The following PCDH15 variants were observed in gnomAD, a reference collection of about 807,000 sequenced individuals.
PCDH15 encodes protocadherin related 15, also known as protocadherin-15.
In PCDH15, 129 loss-of-function variants were observed where a neutral mutation model predicts 178.5. The ratio of observed to expected loss-of-function variants is 0.72; its 90% CI spans 0.63 to 0.84. The LOEUF is 0.84. Ranked by LOEUF, PCDH15 falls within the 40% of genes least tolerant of loss-of-function variation. The pLI is 0.00. For synonymous variants in PCDH15, 800 were observed against 732.0 expected (o/e 1.09, Z -1.50); for missense variants, 2,230 against 2,099.9 (o/e 1.06, Z -1.21).
intron 32 of PCDH15, chr10:53,823,570 TGTAAATGAAAAAAAAA>T: frequency 1.5e-6 from 1 of 670,086 alleles, no homozygotes; most frequent in Non-Finnish European, 2.7e-6. Context: ...GAATGAGAAA[TGTAAATGAAAAAAAAA>T]GTACTCATCT....
chr10:54,807,023 C>A lies in PCDH15; in HGVS notation c.-29+90427G>T, dbSNP rs577809843. Among the ~76,000 whole-genome samples, 202 of 152,242 alleles carry A rather than the reference C, an allele frequency of 1.3e-3. 1 individual carries two copies. The highest frequency in any genetic ancestry group is 4.7e-3 in the African/African-American group (197 of 41,544). On this transcript the variant is annotated intron_variant, in intron 3 of 5. Coordinates refer to the PCDH15 transcript ENST00000458638. ...TTTGCCTTAGTCTATTGGTTATAAGCAAGTTATGATTTCCTCCTGCACTCA... is the reference window on the plus strand; with the variant it reads ...TTTGCCTTAGTCTATTGGTTATAAGAAAGTTATGATTTCCTCCTGCACTCA...
At chr10:55,305,230 G>C (rs1287863135) in intron 1 of PCDH15, among the ~76,000 whole-genome samples, 1 of 152,212 alleles carries the variant, frequency 6.6e-6, no homozygotes, top group Non-Finnish European at 1.5e-5. Flanking sequence ...CTTTGGGCTA[G>C]ATGACTAGCT....
At chr10:55,450,671 C>G (rs1229478613) in intron 2 of PCDH15, among the ~76,000 whole-genome samples, 1 of 152,040 alleles carries the variant, frequency 6.6e-6, no homozygotes, top group Non-Finnish European at 1.5e-5. Flanking sequence ...AAGAAGTACA[C>G]ACTTTCTGCT....
chr10:54,356,458 T>A (rs1342282), intron 5 of PCDH15, among the ~76,000 whole-genome samples: 8 of 151,758 alleles, frequency 5.3e-5, no homozygotes, highest in African/African-American at 1.7e-4. Context: ...AACTTAATTT[T>A]CATTAGTATA....
chr10:54,103,866 A>G (rs1481086439), intron 15 of PCDH15, among the ~76,000 whole-genome samples: 1 of 152,126 alleles, frequency 6.6e-6, no homozygotes, highest in African/African-American at 2.4e-5. Flanking sequence ...ATTATCCCAT[A>G]CCCATAATAT....
At chr10:53,983,365 A>G (rs1018979930) in intron 21 of PCDH15, among the ~76,000 whole-genome samples, 3 of 151,626 alleles carry the variant, frequency 2.0e-5, no homozygotes, top group Admixed American at 6.6e-5. Context: ...AGAGAAAGAA[A>G]AAAAAAAAAA....
chr10:54,815,043 C>T (rs1225747233), intron 3 of PCDH15, among the ~76,000 whole-genome samples: 2 of 152,022 alleles, frequency 1.3e-5, no homozygotes, highest in Non-Finnish European at 2.9e-5. Flanking sequence ...CCAATGATCA[C>T]CTTTATTTTA....
At chr10:54,462,476 C>CTTTCTTTTCTTTTCTTTTCT (rs3070713) in intron 3 of PCDH15, among the ~76,000 whole-genome samples, 20 of 123,938 alleles carry the variant, frequency 1.6e-4, no homozygotes, top group African/African-American at 7.0e-4. Context: ...TCCTTTCTTT[C>CTTTCTTTTCTTTTCTTTTCT]TTTCTTTTCT....
intron 8 of PCDH15, among the ~76,000 whole-genome samples, chr10:54,249,157 C>T (rs2056258165): frequency 6.6e-6 from 1 of 151,928 alleles, no homozygotes; most frequent in African/African-American, 2.4e-5. Flanking sequence ...TATTGCTTGT[C>T]TAATTGTCCG....
chr10:55,113,181 G>A (rs1837551230), intron 2 of PCDH15, among the ~76,000 whole-genome samples: 2 of 152,102 alleles, frequency 1.3e-5, no homozygotes, highest in African/African-American at 2.4e-5. Flanking sequence ...ACAGCAGCCT[G>A]AATTGACTAA....
chr10:53,837,222 A>C (rs1049963359), intron 29 of PCDH15, among the ~76,000 whole-genome samples: 1 of 152,118 alleles, frequency 6.6e-6, no homozygotes. Flanking sequence ...AAAATGTCTG[A>C]GAATATTCCA....
At chr10:54,554,332 G>A (rs1261685093) in intron 2 of PCDH15, among the ~76,000 whole-genome samples, 4 of 152,036 alleles carry the variant, frequency 2.6e-5, no homozygotes, top group Non-Finnish European at 4.4e-5. Context: ...TCTGAACTAA[G>A]AATCAATGTA....
chr10:53,996,166 T>TG (rs1186079548), intron 20 of PCDH15, among the ~76,000 whole-genome samples: 1 of 151,752 alleles, frequency 6.6e-6, no homozygotes, highest in African/African-American at 2.4e-5. Flanking sequence ...GCTCTTTATA[T>TG]GTTTTTATAG....
At chr10:55,026,881 T>C (rs1450565439) in intron 2 of PCDH15, among the ~76,000 whole-genome samples, 2 of 151,908 alleles carry the variant, frequency 1.3e-5, no homozygotes, top group African/African-American at 2.4e-5. Context: ...AGGAAAGAAA[T>C]GACATCTTAC....
intron 1 of PCDH15, among the ~76,000 whole-genome samples, chr10:54,717,236 C>T (rs1268181204): frequency 8.1e-6 from 1 of 123,100 alleles, no homozygotes; most frequent in East Asian, 2.2e-4. Context: ...AAAGCAATGG[C>T]AACAAAAGAC....
At chr10:54,419,674 A>G (rs1821264717) in intron 3 of PCDH15, among the ~76,000 whole-genome samples, 1 of 152,046 alleles carries the variant, frequency 6.6e-6, no homozygotes, top group Non-Finnish European at 1.5e-5. Flanking sequence ...TCTAATAAAT[A>G]CTCTTCAACA....
chr10:54,125,788 G>A (rs1449225745), intron 15 of PCDH15, among the ~76,000 whole-genome samples: 1 of 152,056 alleles, frequency 6.6e-6, no homozygotes, highest in Non-Finnish European at 1.5e-5. Flanking sequence ...AGGTATTGAT[G>A]CTATTATTAT....
rs138174368 is a variant in PCDH15 at position 55,194,565 on chromosome 10, G to A, written c.-155-27914C>T. 4.1e-4 allele frequency among the ~76,000 whole-genome samples: 63 copies of A among 151,994 alleles called. 3 individuals carry two copies. The highest frequency in any genetic ancestry group is 1.5e-3 in the African/African-American group (62 of 41,394). On this transcript the variant is annotated intron_variant, in intron 1 of 5. Coordinates refer to the PCDH15 transcript ENST00000458638. ...AATCTGTGTTTTCAGTCATCACTGTGCTTTCATTCAAAGCAAGGATACTTG... is the reference window on the plus strand; with the variant it reads ...AATCTGTGTTTTCAGTCATCACTGTACTTTCATTCAAAGCAAGGATACTTG...
chr10:53,919,525 A>G (rs937176082), intron 25 of PCDH15, among the ~76,000 whole-genome samples: 2 of 152,178 alleles, frequency 1.3e-5, no homozygotes, highest in Non-Finnish European at 2.9e-5. Context: ...AACATTGTAC[A>G]TATTATTGAT....
Sources: allele counts gnomAD v4.1 joint callset (sites outside exome capture counted in the v4.1 genomes callset), GRCh38; gene constraint gnomAD v4.1.1; transcripts MANE v1.5; gene names NCBI Gene and HGNC (gene_info 2026-07-23, HGNC 2026-07-21).